The following ENPP2 variants were observed in gnomAD, a reference collection of about 807,000 sequenced individuals.
The protein encoded by ENPP2 is ectonucleotide pyrophosphatase/phosphodiesterase 2.
Under a neutral mutation model 120.2 loss-of-function variants are expected in ENPP2, and 51 were observed. The observed-to-expected ratio is 0.42, with a 90% confidence interval of 0.34 to 0.54. The LOEUF (loss-of-function observed/expected upper bound fraction) is 0.54, where lower values mean the gene tolerates loss of function less well. ENPP2 is among the 20% of genes least tolerant of loss of function. ENPP2 has a pLI of 0.04. For missense variants in ENPP2, 920 were observed against 1,066.5 expected (o/e 0.86, Z 1.91); for synonymous variants, 365 against 366.4 (o/e 1.00, Z 0.04).
intron 2 of ENPP2, among the ~76,000 whole-genome samples, chr8:119,632,808 G>A (rs1816764414): frequency 6.6e-6 from 1 of 152,180 alleles, no homozygotes; most frequent in African/African-American, 2.4e-5. Flanking sequence ...GGTGGCTCAC[G>A]CCTGTAATCC....
At position 119,653,226 on chromosome 8, in the gene ENPP2, A is replaced by T. The variant is rs567443939; in HGVS notation, c.22-14699T>A. Among the ~76,000 whole-genome samples the T allele has an allele frequency of 1.4e-3, 213 of 152,304 alleles. 1 individual carries two copies. The highest frequency in any genetic ancestry group is 2.4e-4 in the Non-Finnish European group (16 of 68,038). ...GAGGTCCTTATCACCCAACCAATTC[A>T]TTAATTCACTCATTCATTTGTTTAT... On this transcript the variant is annotated intron_variant, in intron 1 of 25. Transcript: ENST00000427067.
chr8:119,653,897 A>G (rs565415741), intron 1 of ENPP2, among the ~76,000 whole-genome samples: 2 of 151,084 alleles, frequency 1.3e-5, no homozygotes, highest in South Asian at 4.2e-4. Flanking sequence ...GTTAATGCAA[A>G]ATGCACAGGC....
chr8:119,587,149 TACTC>T (rs1226276409), intron 13 of ENPP2, 74 bp from the exon 14 acceptor site: 2 of 1,212,260 alleles, frequency 1.6e-6, no homozygotes, highest in African/African-American at 3.0e-5. Flanking sequence ...TGCAGCAAGA[TACTC>T]AATTCTTTCT....
chr8:119,639,983 G>A (rs1291800335), upstream of ENPP2, among the ~76,000 whole-genome samples: 1 of 152,138 alleles, frequency 6.6e-6, no homozygotes, highest in Admixed American at 6.5e-5. Context: ...CAGCACATGT[G>A]TTCGTGCGTA....
At chr8:119,653,295 T>G (rs138584403) in intron 1 of ENPP2, among the ~76,000 whole-genome samples, 18 of 152,322 alleles carry the variant, frequency 1.2e-4, no homozygotes, top group Non-Finnish European at 2.5e-4. Flanking sequence ...ACGTCAAGCA[T>G]TGAGGATGCA....
At chr8:119,624,787 A>AAC (rs572275169) in intron 3 of ENPP2, among the ~76,000 whole-genome samples, 2 of 152,230 alleles carry the variant, frequency 1.3e-5, no homozygotes, top group Admixed American at 6.5e-5. Flanking sequence ...ACATACTGAA[A>AAC]ACACACACAC....
intron 8 of ENPP2, among the ~76,000 whole-genome samples, chr8:119,610,420 AG>A (rs36157726): frequency 2.6e-5 from 4 of 151,880 alleles, no homozygotes; most frequent in Non-Finnish European, 5.9e-5. Context: ...CATTTTCCCA[AG>A]GGGGGGAAAA....
At chr8:119,663,025 G>C (rs1817966155) in intron 1 of ENPP2, among the ~76,000 whole-genome samples, 1 of 151,452 alleles carries the variant, frequency 6.6e-6, no homozygotes, top group Non-Finnish European at 1.5e-5. Context: ...GCTGAGGCAG[G>C]AGAATCACTT....
intron 11 of ENPP2, among the ~76,000 whole-genome samples, chr8:119,595,611 G>A (rs1313623710): frequency 6.6e-6 from 1 of 152,032 alleles, no homozygotes; most frequent in Non-Finnish European, 1.5e-5. Context: ...TAGTTTTAGG[G>A]CAACTAACTC....
intron 12 of ENPP2, among the ~76,000 whole-genome samples, chr8:119,591,422 C>T (rs1243340333): frequency 2.0e-5 from 3 of 152,106 alleles, no homozygotes; most frequent in Non-Finnish European, 2.9e-5. Flanking sequence ...TATTAAAATG[C>T]TTTTATTTAA....
At chr8:119,650,152 G>C (rs545747362) in intron 1 of ENPP2, among the ~76,000 whole-genome samples, 2 of 152,272 alleles carry the variant, frequency 1.3e-5, no homozygotes, top group Admixed American at 1.3e-4. Context: ...ATATTACTCA[G>C]CAATAAAAAG....
intron 14 of ENPP2, 28 bp from the exon 15 acceptor site, chr8:119,586,341 A>C (rs776255914): frequency 1.2e-6 from 2 of 1,610,080 alleles, no homozygotes; most frequent in Non-Finnish European, 1.7e-6. Flanking sequence ...ATCAGACTTC[A>C]GATGGAATGT....
chr8:119,573,538 C>T (rs1812116621), intron 19 of ENPP2, among the ~76,000 whole-genome samples: 1 of 152,026 alleles, frequency 6.6e-6, no homozygotes, highest in Admixed American at 6.6e-5. Flanking sequence ...TCTGGCCAGG[C>T]ATAGTGGCTC....
intron 18 of ENPP2, among the ~76,000 whole-genome samples, chr8:119,582,190 T>C (rs989357347): frequency 6.6e-6 from 1 of 152,232 alleles, no homozygotes; most frequent in Admixed American, 6.5e-5. Context: ...TTTTTGTCTT[T>C]CATGGTCTAT....
intron 1 of ENPP2, among the ~76,000 whole-genome samples, chr8:119,671,226 G>T (rs541670848): frequency 6.6e-6 from 1 of 151,856 alleles, no homozygotes; most frequent in Non-Finnish European, 1.5e-5. Flanking sequence ...GCTTGAACCC[G>T]GGAGGTGGAA....
intron 10 of ENPP2, 62 bp from the exon 11 acceptor site, chr8:119,600,812 T>C: frequency 5.3e-6 from 5 of 942,874 alleles, no homozygotes; most frequent in Non-Finnish European, 8.5e-6. Context: ...AAATATCACA[T>C]ATTTTTAAAA....
intron 12 of ENPP2, among the ~76,000 whole-genome samples, chr8:119,591,002 A>AAAAC (rs1467134769): frequency 4.1e-4 from 62 of 150,842 alleles, no homozygotes; most frequent in African/African-American, 1.4e-3. Context: ...CTTTAAAAAA[A>AAAAC]AAAAAAAAAA....
intron 5 of ENPP2, chr8:119,618,491 G>A: frequency 5.4e-6 from 2 of 368,576 alleles, no homozygotes; most frequent in South Asian, 4.2e-5. Context: ...TTCTCTCTTT[G>A]GTTGCTGGTG....
intron 3 of ENPP2, among the ~76,000 whole-genome samples, chr8:119,623,843 C>T (rs1467766775): frequency 1.3e-5 from 2 of 152,126 alleles, no homozygotes; most frequent in Admixed American, 6.5e-5. Flanking sequence ...CCAGGCTGGT[C>T]TCGAACTCCT....
Sources: allele counts gnomAD v4.1 joint callset (sites outside exome capture counted in the v4.1 genomes callset), GRCh38; gene constraint gnomAD v4.1.1; transcripts MANE v1.5; gene names NCBI Gene and HGNC (gene_info 2026-07-23, HGNC 2026-07-21).